MBTPS1: variants seen among roughly 807,000 people sequenced by gnomAD.
The protein encoded by MBTPS1 is membrane-bound transcription factor site-1 protease.
Under a neutral mutation model 127.8 loss-of-function variants are expected in MBTPS1, and 94 were observed. The ratio of observed to expected loss-of-function variants is 0.74; its 90% confidence interval spans 0.62 to 0.87. The LOEUF (loss-of-function observed/expected upper bound fraction) is 0.87. MBTPS1 is among the 40% of genes least tolerant of loss of function. The pLI is 0.00. For missense variants in MBTPS1, 1,636 were observed against 1,353.2 expected (o/e 1.21, Z -3.28); for synonymous variants, 632 against 509.4 (o/e 1.24, Z -3.24).
rs377438849 is a variant in MBTPS1 at position 84,101,603 on chromosome 16, T to C, written c.163+18A>G. 3 of 1,598,456 alleles carry C rather than the reference T, an allele frequency of 1.9e-6. No homozygotes were observed. The highest frequency in any genetic ancestry group is 2.3e-5 in the South Asian group (2 of 88,872). ...AAAATAGGATGGGAGTTCCTAATAC[T>C]TAAGACAACATCATTACCATATTCC... On this transcript the variant is annotated intron_variant, in intron 2 of 22. Coordinates refer to ENST00000343411, the MANE Select transcript of MBTPS1 (RefSeq NM_003791.4).
At chr16:84,066,984 G>A (rs997012151) in intron 16 of MBTPS1, among the ~76,000 whole-genome samples, 1 of 152,182 alleles carries the variant, frequency 6.6e-6, no homozygotes, top group Non-Finnish European at 1.5e-5. Context: ...AGGTGATTAT[G>A]TTTATAATAC....
At chr16:84,054,759 G>C in intron 22 of MBTPS1, 114 bp from the exon 23 acceptor site, 2 of 726,320 alleles carry the variant, frequency 2.8e-6, no homozygotes, top group Non-Finnish European at 4.3e-6. Context: ...TTCACTAGCT[G>C]GGCTTGCAGG....
intron 1 of MBTPS1, among the ~76,000 whole-genome samples, chr16:84,105,535 G>T (rs2086311267): frequency 6.6e-6 from 1 of 152,140 alleles, no homozygotes; most frequent in Non-Finnish European, 1.5e-5. Context: ...CTGAAAGATG[G>T]GCGTGAGGGA....
chr16:84,066,848 T>C (rs1353712009), intron 16 of MBTPS1, among the ~76,000 whole-genome samples: 1 of 152,166 alleles, frequency 6.6e-6, no homozygotes, highest in Non-Finnish European at 1.5e-5. Context: ...ATCAGTACTT[T>C]ACCGAAATGC....
intron 19 of MBTPS1, among the ~76,000 whole-genome samples, chr16:84,063,016 C>A (rs947996608): frequency 1.3e-5 from 2 of 152,262 alleles, no homozygotes; most frequent in Admixed American, 1.3e-4. Flanking sequence ...AAGGGACTCT[C>A]CACCACAACG....
chr16:84,093,865 C>T, intron 4 of MBTPS1, 44 bp from the exon 5 acceptor site: 1 of 1,386,622 alleles, frequency 7.2e-7, no homozygotes. Flanking sequence ...TTGAAGAAAT[C>T]ATCATTTTGG....
chr16:84,055,482 T>C (rs774442830), intron 22 of MBTPS1, among the ~76,000 whole-genome samples: 1 of 152,118 alleles, frequency 6.6e-6, no homozygotes, highest in Non-Finnish European at 1.5e-5. Flanking sequence ...CCCTAGGCAG[T>C]CTATGTAGCC....
chr16:84,099,602 A>G (rs530241056), intron 2 of MBTPS1, among the ~76,000 whole-genome samples: 54 of 151,928 alleles, frequency 3.6e-4, no homozygotes, highest in African/African-American at 1.2e-3. Context: ...TGGCCAACAT[A>G]GTGAAACCCC....
intron 14 of MBTPS1, 27 bp downstream of exon 14, chr16:84,069,839 G>C (rs775841469): frequency 4.4e-6 from 7 of 1,598,916 alleles, no homozygotes; most frequent in Non-Finnish European, 6.0e-6. Context: ...GGCTGGGGAG[G>C]TGAAGTGCAT....
At chr16:84,092,197 T>A (rs1478763576) in intron 6 of MBTPS1, among the ~76,000 whole-genome samples, 1 of 152,188 alleles carries the variant, frequency 6.6e-6, no homozygotes, top group Non-Finnish European at 1.5e-5. Context: ...AAGGCACTTC[T>A]ATTAAGTTAA....
At chr16:84,111,900 CAAA>C (rs36019183) in intron 1 of MBTPS1, among the ~76,000 whole-genome samples, 8 of 139,868 alleles carry the variant, frequency 5.7e-5, no homozygotes, top group Non-Finnish European at 6.3e-5. Flanking sequence ...TGTCTATGAG[CAAA>C]AAAAAAAAAA....
At chr16:84,081,214 A>C (rs2085935203) in intron 11 of MBTPS1, among the ~76,000 whole-genome samples, 1 of 152,236 alleles carries the variant, frequency 6.6e-6, no homozygotes, top group Non-Finnish European at 1.5e-5. Flanking sequence ...ACTATTTGTG[A>C]AACTTTGCTG....
rs1282728703 is a variant in MBTPS1 at position 84,101,677 on chromosome 16, G to A, written c.107C>T (p.Pro36Leu). The A allele has an allele frequency of 1.2e-6, 2 of 1,614,044 alleles. No individual in the cohort carries two copies. Among genetic ancestry groups the A allele is most frequent in the Non-Finnish European group, 1.7e-6 (2 of 1,180,010 alleles). ...CTTCAAAGTCAGGTGGGAACAGCCA[G>A]GGCATGGGGCCTTTTCAAAAGATTT... ...EKKSFEKAPC[P>L]GCSHLTLKVE... is the part of the protein sequence containing the mutation. Residue 36 changes from proline (P) to leucine (L), a missense_variant, in exon 2 of 23, where the codon CCT becomes CTT. Pro to Leu is a moderately conservative substitution (Grantham distance 98, BLOSUM62 -3). Transcript: ENST00000343411.
chr16:84,096,768 G>C (rs895386110), intron 3 of MBTPS1, among the ~76,000 whole-genome samples: 1 of 152,110 alleles, frequency 6.6e-6, no homozygotes, highest in African/African-American at 2.4e-5. Context: ...CAACTGAAAC[G>C]GTTCTTAATT....
chr16:84,080,770 C>T (rs764133448), intron 11 of MBTPS1, among the ~76,000 whole-genome samples: 9 of 152,260 alleles, frequency 5.9e-5, no homozygotes, highest in Non-Finnish European at 8.8e-5. Flanking sequence ...CCTAACTTTT[C>T]GGTGTCAGAT....
At chr16:84,054,715 G>A (rs1427570050) in intron 22 of MBTPS1, 70 bp from the exon 23 acceptor site, 43 of 1,229,310 alleles carry the variant, frequency 3.5e-5, no homozygotes, top group East Asian at 2.6e-5. Context: ...TTTCTATGAC[G>A]GCTGGATTCA....
At chr16:84,090,974 T>A in intron 7 of MBTPS1, 32 bp from the exon 8 acceptor site, 3 of 1,335,728 alleles carry the variant, frequency 2.2e-6, no homozygotes, top group Non-Finnish European at 1.1e-6. Context: ...AATGAAAGTA[T>A]CCCTTTCATT....
intron 19 of MBTPS1, chr16:84,061,391 G>C (rs939049568): frequency 2.6e-5 from 4 of 152,674 alleles, no homozygotes; most frequent in African/African-American, 9.7e-5. Context: ...AACTGCCTGA[G>C]TGCCACACTC....
chr16:84,068,829 G>A (rs930487499), intron 14 of MBTPS1, among the ~76,000 whole-genome samples: 1 of 152,248 alleles, frequency 6.6e-6, no homozygotes, highest in Non-Finnish European at 1.5e-5. Flanking sequence ...CAGGGACGCT[G>A]GAACAAGCCA....
Sources: allele counts gnomAD v4.1 joint callset (sites outside exome capture counted in the v4.1 genomes callset), GRCh38; gene constraint gnomAD v4.1.1; transcripts MANE v1.5; gene names NCBI Gene and HGNC (gene_info 2026-07-23, HGNC 2026-07-21).